The following SMAP1 variants were observed in gnomAD, a reference collection of about 807,000 sequenced individuals.
SMAP1 encodes the protein small ArfGAP 1.
In SMAP1, 24 loss-of-function variants were observed where a neutral mutation model predicts 58.5. That is an observed-to-expected ratio of 0.41 (90% confidence interval 0.30 to 0.58). SMAP1 has a LOEUF of 0.58. SMAP1 is among the 20% of genes least tolerant of loss of function. SMAP1 has a pLI of 0.29. For missense variants in SMAP1, 563 were observed against 566.3 expected, an observed-to-expected ratio of 0.99 and a Z score of 0.06; for synonymous variants, 216 against 196.6, an observed-to-expected ratio of 1.10 and a Z score of -0.82.
intron 8 of SMAP1, among the ~76,000 whole-genome samples, chr6:70,856,210 T>C (rs916063329): frequency 2.6e-5 from 4 of 152,212 alleles, no homozygotes; most frequent in African/African-American, 7.2e-5. Context: ...GTGCAAGATA[T>C]GAGATTGAGA....
chr6:70,783,265 C>A (rs975480950), intron 4 of SMAP1, among the ~76,000 whole-genome samples: 3 of 152,158 alleles, frequency 2.0e-5, no homozygotes, highest in Admixed American at 6.6e-5. Flanking sequence ...GGAAAACTAA[C>A]AAACAGAAAG....
intron 1 of SMAP1, 110 bp downstream of exon 1, chr6:70,668,251 T>C: frequency 1.9e-6 from 2 of 1,035,086 alleles, no homozygotes; most frequent in Non-Finnish European, 2.8e-6. Flanking sequence ...GCTGGCCGGC[T>C]CCTGCCCTGA....
intron 6 of SMAP1, among the ~76,000 whole-genome samples, chr6:70,823,855 G>T (rs1769998327): frequency 6.7e-6 from 1 of 149,008 alleles, no homozygotes; most frequent in South Asian, 2.1e-4. Flanking sequence ...TTATTTTTCA[G>T]TTCCCCCTGC....
intron 1 of SMAP1, among the ~76,000 whole-genome samples, chr6:70,678,311 G>A (rs942064596): frequency 6.6e-6 from 1 of 152,110 alleles, no homozygotes; most frequent in African/African-American, 2.4e-5. Context: ...GCAGTGATGA[G>A]CTCAAGCCTA....
At chr6:70,681,130 A>G (rs981921956) in intron 1 of SMAP1, among the ~76,000 whole-genome samples, 4 of 152,050 alleles carry the variant, frequency 2.6e-5, no homozygotes, top group Non-Finnish European at 4.4e-5. Flanking sequence ...AAAAAATACA[A>G]TGCATAGGCT....
chr6:70,858,855 A>G (rs1285117604), intron 10 of SMAP1: 1 of 153,052 alleles, frequency 6.5e-6, no homozygotes, highest in African/African-American at 2.4e-5. Context: ...TTCAATTCCC[A>G]TAAGGTGTGA....
chr6:70,834,371 C>CAAAAAAAAAAA (rs3034191), intron 6 of SMAP1, among the ~76,000 whole-genome samples: 1 of 136,358 alleles, frequency 7.3e-6, no homozygotes, highest in Non-Finnish European at 1.6e-5. Flanking sequence ...TAAAATACAC[C>CAAAAAAAAAAA]AAAAAAAAAA....
At chr6:70,812,354 A>G (rs1309271721) in intron 6 of SMAP1, among the ~76,000 whole-genome samples, 1 of 152,202 alleles carries the variant, frequency 6.6e-6, no homozygotes, top group Non-Finnish European at 1.5e-5. Flanking sequence ...ACATCTTTTT[A>G]TCTAATTCTT....
At chr6:70,764,421 G>A (rs9455220) in intron 3 of SMAP1, among the ~76,000 whole-genome samples, 77,659 of 152,062 alleles carry the variant, frequency 0.51, 20,218 homozygotes, top group African/African-American at 0.57. Context: ...CCTGGCTTCA[G>A]CGCTTCAAGA....
intron 4 of SMAP1, among the ~76,000 whole-genome samples, chr6:70,789,301 T>A (rs145800578): frequency 5.1e-4 from 78 of 152,298 alleles, no homozygotes; most frequent in African/African-American, 1.8e-3. Flanking sequence ...ATAGAACCTT[T>A]TCGTCACTCC....
intron 1 of SMAP1, among the ~76,000 whole-genome samples, chr6:70,688,652 G>A (rs1190718102): frequency 1.3e-5 from 2 of 151,978 alleles, no homozygotes; most frequent in Non-Finnish European, 1.5e-5. Context: ...TTTTACTGTT[G>A]AGTTTTGAAA....
At chr6:70,838,030 G>T (rs1770665921) in intron 7 of SMAP1, 4 of 724,642 alleles carry the variant, frequency 5.5e-6, no homozygotes, top group African/African-American at 1.9e-5. Context: ...AAAAATAACT[G>T]TAATTTTGAA....
intron 6 of SMAP1, among the ~76,000 whole-genome samples, chr6:70,810,689 C>T (rs1197571988): frequency 1.3e-5 from 2 of 152,088 alleles, no homozygotes; most frequent in African/African-American, 4.8e-5. Flanking sequence ...ATCCTCCTGT[C>T]TCAGTCTTCC....
At chr6:70,699,983 G>T (rs7753534) in intron 1 of SMAP1, among the ~76,000 whole-genome samples, 1 of 151,854 alleles carries the variant, frequency 6.6e-6, no homozygotes, top group African/African-American at 2.4e-5. Context: ...TATGGTTTGG[G>T]TATTTGTCAC....
chr6:70,791,245 G>A (rs1408585930), intron 4 of SMAP1, among the ~76,000 whole-genome samples: 4 of 151,716 alleles, frequency 2.6e-5, no homozygotes, highest in Admixed American at 6.6e-5. Context: ...TTTCAACTCC[G>A]TTTTATTTTT....
At chr6:70,829,014 C>G (rs1770253449) in intron 6 of SMAP1, among the ~76,000 whole-genome samples, 2 of 152,210 alleles carry the variant, frequency 1.3e-5, no homozygotes, top group African/African-American at 2.4e-5. Flanking sequence ...CCACTGCACT[C>G]TAGCCTGGGC....
At chr6:70,848,968 T>TTCAA (rs1771086997) in intron 7 of SMAP1, among the ~76,000 whole-genome samples, 1 of 152,222 alleles carries the variant, frequency 6.6e-6, no homozygotes, top group Non-Finnish European at 1.5e-5. Flanking sequence ...ATAGCTTTGA[T>TTCAA]AGTAACTAGA....
chr6:70,790,616 A>T (rs1768307804), intron 4 of SMAP1, among the ~76,000 whole-genome samples: 1 of 152,148 alleles, frequency 6.6e-6, no homozygotes, highest in South Asian at 2.1e-4. Context: ...TAACAGAGCC[A>T]ACAGTGAGTA....
intron 6 of SMAP1, among the ~76,000 whole-genome samples, chr6:70,821,710 G>A (rs957775102): frequency 4.6e-5 from 7 of 152,134 alleles, no homozygotes; most frequent in Admixed American, 6.5e-5. Flanking sequence ...ATAGCAAGAT[G>A]ATAGTAACTT....
Sources: gnomAD v4.1 joint callset for allele counts (sites outside exome capture counted in the v4.1 genomes callset) on GRCh38, gnomAD v4.1.1 for gene constraint, MANE v1.5 for transcripts, NCBI Gene and HGNC (gene_info 2026-07-23, HGNC 2026-07-21) for gene names.